MPI: variants seen among roughly 807,000 people sequenced by gnomAD.
The protein encoded by MPI is mannose phosphate isomerase.
A neutral mutation model predicts 40.1 loss-of-function variants in MPI; 33 were observed. The observed-to-expected ratio is 0.82, with a 90% CI of 0.62 to 1.10. MPI has a LOEUF of 1.10. MPI is among the 50% of genes least tolerant of loss of function. The probability of loss-of-function intolerance (pLI) is 0.00; values close to 1 mark genes in which losing one functional copy is unlikely to be tolerated. For missense variants in MPI, 514 were observed against 524.1 expected (o/e 0.98, Z 0.19); for synonymous variants, 187 against 207.4 (o/e 0.90, Z 0.85).
Position 74,890,634 on chromosome 15 carries a change from G to T in MPI, c.124G>T (p.Glu42Ter). 1.2e-6 allele frequency: 2 copies of T among 1,614,080 alleles called. No individual in the cohort carries two copies. Among genetic ancestry groups the T allele is most frequent in the African/African-American group, 1.3e-5 (1 of 75,048 alleles). ...CAGTGATCCACTGGCCCAGATCGCA[G>T]AGGACAAGCCTTATGCAGAGGTGAG... ...ASSDPLAQIA[E>*]DKPYAELWMG... is the part of the protein sequence containing the mutation. The change falls in exon 2 of 8, where the codon GAG becomes TAG. Residue 42 changes from glutamate to a stop codon, truncating the protein, a stop_gained. Transcript: ENST00000352410. LOFTEE classifies it high-confidence loss of function.
chr15:74,890,380 C>T, intron 1 of MPI, 147 bp from the exon 2 acceptor site: 3 of 1,053,648 alleles, frequency 2.8e-6, no homozygotes, highest in Admixed American at 4.0e-5. Flanking sequence ...TCGAGGCCTG[C>T]AGCGGAGGGG....
At chr15:74,896,375 G>A in intron 6 of MPI, 50 bp downstream of exon 6, 1 of 1,606,274 alleles carries the variant, frequency 6.2e-7, no homozygotes, top group Non-Finnish European at 8.5e-7. Context: ...GCTGGGCCCT[G>A]TTTCCCTATC....
intron 5 of MPI, among the ~76,000 whole-genome samples, chr15:74,894,039 AGTGTGTGTGTGTGT>A (rs1163375284): frequency 0.048 from 2,734 of 56,832 alleles, 91 homozygotes; most frequent in Non-Finnish European, 0.056. Context: ...TTTTCTGTTC[AGTGTGTGTGTGTGT>A]GTGTGTGTGT....
chr15:74,892,469 T>A (rs1199421118), intron 3 of MPI, among the ~76,000 whole-genome samples, 192 bp from the exon 4 acceptor site: 1 of 152,216 alleles, frequency 6.6e-6, no homozygotes, highest in Admixed American at 6.5e-5. Flanking sequence ...TGCCCCTGAT[T>A]TGCCCCTGCC....
At position 74,893,202 on chromosome 15, in the gene MPI, C is replaced by G. The variant is rs2064752264; in HGVS notation, c.552C>G (p.Ser184Arg). 6.2e-7 allele frequency: 1 copy of G among 1,614,112 alleles called. No homozygotes were observed. ...EAATHLKQTMSHDSQAVASSL... is the reference protein window; with the variant it reads ...EAATHLKQTMRHDSQAVASSL... ...CAACACACCTGAAGCAGACCATGAG[C>G]CATGACTCCCAGGCTGTGGCCTCCT... The change falls in exon 5 of 8, where the codon AGC becomes AGG. Residue 184 changes from serine to arginine, a missense_variant. By Grantham distance (110) the Ser-to-Arg change is moderately radical. Coordinates refer to ENST00000352410, the MANE Select transcript of MPI (RefSeq NM_002435.3).
At chr15:74,897,276 G>A (rs1275586166) in intron 7 of MPI, 57 bp downstream of exon 7, 11 of 1,590,420 alleles carry the variant, frequency 6.9e-6, no homozygotes, top group Non-Finnish European at 9.5e-6. Context: ...TCTGGCAAGG[G>A]TCACGATGTG....
In MPI at chr15:74,896,420, C is replaced by T. The variant is rs141744329; in HGVS notation, c.844+95C>T. On this transcript the variant is annotated intron_variant, in intron 6 of 7. Transcript: ENST00000352410. The stretch of plus-strand genomic sequence containing the variant: ...GAAGGAGAAGGGTGGTCAAGGAGAC[C>T]CCCAAGGACCTTGCAGCTCTGACCT... 9.6e-5 allele frequency: 137 copies of T among 1,431,896 alleles called. No homozygotes were observed. The highest frequency in any genetic ancestry group is 1.2e-4 in the Non-Finnish European group (128 of 1,034,264). 88.7% of individuals were successfully genotyped at this position (1,431,896 alleles called of 1,614,324 possible). A position where few individuals can be genotyped will look rare whatever the true frequency, so the allele number is the denominator to read the frequency against.
rs930217348 is a variant in MPI, at chr15:74,902,132, A to T, written c.*4402A>T. 3 of 398,628 alleles carry T rather than the reference A, an allele frequency of 7.5e-6. No homozygotes were observed. The highest frequency in any genetic ancestry group is 1.3e-5 in the Non-Finnish European group (3 of 226,118). The allele number at this position is 398,628 out of a possible 1,614,324, so 24.7% of individuals were successfully genotyped here. A position where few individuals can be genotyped will look rare whatever the true frequency, so the allele number is the denominator to read the frequency against. ...CAAGCCTGCAAACCATCTTAGAGCT[A>T]GGAAGAATAGAGCAAACGGAATTTC... On this transcript the variant is annotated 3_prime_UTR_variant, in exon 8 of 8. Transcript: ENST00000352410.
intron 5 of MPI, chr15:74,893,638 A>T: frequency 1.7e-6 from 1 of 593,042 alleles, no homozygotes; most frequent in Non-Finnish European, 3.0e-6. Context: ...CCATGGATGG[A>T]CTTGTATCTC....
chr15:74,890,527 T>C lies in MPI; in HGVS notation c.17T>C (p.Val6Ala). MAAPR[V>A]FPLSCAVQQY... ...CAGCTGACCCTGTCTGTGCCCCTAG[T>C]ATTCCCACTTTCCTGTGCGGTGCAG... Residue 6 changes from valine to alanine, a missense_variant and splice_region_variant, in exon 2 of 8, where the codon GTA (valine) becomes GCA (alanine). Val to Ala is a moderately conservative substitution (Grantham distance 64). Transcript: ENST00000352410. 1 of 1,614,142 alleles carries C rather than the reference T, an allele frequency of 6.2e-7. No individual in the cohort carries two copies. The highest frequency in any genetic ancestry group is 1.7e-5 in the Admixed American group (1 of 60,022).
intron 3 of MPI, 145 bp downstream of exon 3, chr15:74,891,724 C>T: frequency 1.2e-6 from 1 of 850,782 alleles, no homozygotes; most frequent in Non-Finnish European, 2.0e-6. Flanking sequence ...CAATTTAGCT[C>T]TGCAAAGCCA....
In MPI at chr15:74,902,126, A is replaced by C; in HGVS notation, c.*4396A>C. 2.5e-6 allele frequency: 1 copy of C among 398,734 alleles called. No homozygotes were observed. The highest frequency in any genetic ancestry group is 4.4e-5 in the Admixed American group (1 of 22,744). The allele number at this position is 398,734 out of a possible 1,614,324, so 24.7% of individuals were successfully genotyped here. On this transcript the variant is annotated 3_prime_UTR_variant, in exon 8 of 8. Coordinates refer to ENST00000352410, the MANE Select transcript of MPI (RefSeq NM_002435.3). ...GAAGGTCAAGCCTGCAAACCATCTT[A>C]GAGCTAGGAAGAATAGAGCAAACGG...
At chr15:74,890,812 AAG>A in intron 2 of MPI, 158 bp downstream of exon 2, 1 of 978,780 alleles carries the variant, frequency 1.0e-6, no homozygotes, top group Non-Finnish European at 1.6e-6. Context: ...TATCAAAAAG[AAG>A]AGAGGTTTTG....
intron 5 of MPI, chr15:74,893,628 C>G: frequency 1.7e-6 from 1 of 596,140 alleles, no homozygotes; most frequent in Non-Finnish European, 3.0e-6. Flanking sequence ...CAGCTGCCCT[C>G]CATGGATGGA....
Position 74,897,859 on chromosome 15 carries a change from G to A in MPI, c.*129G>A, listed in dbSNP as rs80226376. On this transcript the variant is annotated 3_prime_UTR_variant, in exon 8 of 8. Coordinates refer to ENST00000352410, the MANE Select transcript of MPI (RefSeq NM_002435.3). The stretch of plus-strand genomic sequence containing the variant: ...AGGTATACCCTGGAAGAGCTGGGGT[G>A]GGGGAGGAGGGAGCGTGAAGGTAGT... The A allele has an allele frequency of 3.3e-6, 3 of 900,150 alleles. No individual in the cohort carries two copies. The highest frequency in any genetic ancestry group is 2.0e-5 in the Admixed American group (1 of 50,268). 55.8% of individuals were successfully genotyped at this position (900,150 alleles called of 1,614,324 possible).
intron 6 of MPI, chr15:74,896,796 C>A: frequency 1.5e-6 from 1 of 651,030 alleles, no homozygotes; most frequent in East Asian, 2.7e-5. Context: ...GCTCCCCAAC[C>A]CCCAGGGGTT....
At position 74,902,049 on chromosome 15, in the gene MPI, T is replaced by A. The variant is rs2064980986; in HGVS notation, c.*4319T>A. ...CAACCTGCTATGATCCCTGTCATAG[T>A]TAGACAGGTGCAACCTGAAGAGGGA... On this transcript the variant is annotated 3_prime_UTR_variant, in exon 8 of 8. Transcript: ENST00000352410. 1 of 398,412 alleles carries A rather than the reference T, an allele frequency of 2.5e-6. No individual in the cohort carries two copies. Among genetic ancestry groups the A allele is most frequent in the Non-Finnish European group, 4.4e-6 (1 of 226,004 alleles). The allele number at this position is 398,412 out of a possible 1,614,324, so 24.7% of individuals were successfully genotyped here.
chr15:74,892,825 G>A (rs1375900662), intron 4 of MPI, 23 bp downstream of exon 4: 1 of 1,614,236 alleles, frequency 6.2e-7, no homozygotes, highest in Non-Finnish European at 8.5e-7. Context: ...GAATGCTGAA[G>A]GCATGCGTAC....
At chr15:74,894,605 T>A (rs1008206885) in intron 5 of MPI, among the ~76,000 whole-genome samples, 1 of 134,452 alleles carries the variant, frequency 7.4e-6, no homozygotes, top group African/African-American at 2.9e-5. Context: ...GCCGGGGCAA[T>A]AGAGTGAGAC....
Sources: gnomAD v4.1 joint callset for allele counts (sites outside exome capture counted in the v4.1 genomes callset) on GRCh38, gnomAD v4.1.1 for gene constraint, MANE v1.5 for transcripts, NCBI Gene and HGNC (gene_info 2026-07-23, HGNC 2026-07-21) for gene names.